The following AGBL1 variants were observed in gnomAD, a reference collection of about 807,000 sequenced individuals.
The protein encoded by AGBL1 is AGBL carboxypeptidase 1, also known as cytosolic carboxypeptidase 4.
In AGBL1, 130 loss-of-function variants were observed where a neutral mutation model predicts 118.9. The observed-to-expected ratio is 1.09, with a 90% CI of 0.95 to 1.26. The LOEUF is 1.26. Among genes scored for constraint, AGBL1 ranks in the 50% most tolerant of loss-of-function variants. AGBL1 has a pLI of 0.00. For synonymous variants in AGBL1, 555 were observed against 478.9 expected (o/e 1.16, Z -2.08); for missense variants, 1,584 against 1,298.1 (o/e 1.22, Z -3.38).
At chr15:86,371,676 T>C (rs1332795382) in intron 17 of AGBL1, among the ~76,000 whole-genome samples, 1 of 152,166 alleles carries the variant, frequency 6.6e-6, no homozygotes, top group Non-Finnish European at 1.5e-5. Flanking sequence ...CATTTATGTG[T>C]GTGTCCCAGT....
intron 5 of AGBL1, among the ~76,000 whole-genome samples, chr15:86,195,089 T>A (rs1017608210): frequency 3.3e-5 from 5 of 152,202 alleles, no homozygotes; most frequent in African/African-American, 9.6e-5. Context: ...TTTTTCATCA[T>A]GCATTTATTG....
chr15:86,518,119 G>A (rs186364764), intron 18 of AGBL1, among the ~76,000 whole-genome samples: 13 of 152,230 alleles, frequency 8.5e-5, no homozygotes, highest in Middle Eastern at 3.4e-3. Context: ...AGTCATGGAC[G>A]GATGGGAGAT....
intron 21 of AGBL1, among the ~76,000 whole-genome samples, chr15:86,584,681 A>G (rs1054382027): frequency 1.3e-5 from 2 of 152,104 alleles, no homozygotes; most frequent in African/African-American, 2.4e-5. Flanking sequence ...TTGGTTCCAT[A>G]TGAATTTTAG....
intron 5 of AGBL1, among the ~76,000 whole-genome samples, chr15:86,193,005 A>T (rs555837391): frequency 2.6e-5 from 4 of 152,200 alleles, no homozygotes; most frequent in Non-Finnish European, 5.9e-5. Flanking sequence ...CACATTTTTC[A>T]GTCAAAAATA....
intron 1 of AGBL1, among the ~76,000 whole-genome samples, chr15:86,083,056 A>G (rs1472881341): frequency 6.6e-6 from 1 of 152,234 alleles, no homozygotes; most frequent in Non-Finnish European, 1.5e-5. Flanking sequence ...AAGCGCTTGT[A>G]AACTCTAAAT....
At chr15:86,118,894 G>T (rs1212714357) in intron 1 of AGBL1, among the ~76,000 whole-genome samples, 1 of 152,150 alleles carries the variant, frequency 6.6e-6, no homozygotes, top group Admixed American at 6.5e-5. Flanking sequence ...CATTTATGTA[G>T]CATCCACTGC....
At chr15:86,955,686 A>G (rs1326337628) in intron 23 of AGBL1, among the ~76,000 whole-genome samples, 3 of 152,166 alleles carry the variant, frequency 2.0e-5, no homozygotes, top group Non-Finnish European at 4.4e-5. Flanking sequence ...ACTATGAAAT[A>G]TACATGATTG....
At chr15:86,272,502 T>C (rs912485529) in intron 15 of AGBL1, among the ~76,000 whole-genome samples, 3 of 152,202 alleles carry the variant, frequency 2.0e-5, no homozygotes, top group Non-Finnish European at 4.4e-5. Context: ...TTTCATCTCT[T>C]TCTGAAATTA....
chr15:86,549,236 GAGAA>G (rs2083630859), intron 20 of AGBL1, among the ~76,000 whole-genome samples: 1 of 152,092 alleles, frequency 6.6e-6, no homozygotes, highest in Non-Finnish European at 1.5e-5. Context: ...AGGGCCCAGT[GAGAA>G]AGAAAGTCCA....
rs117925358 is a variant in AGBL1 at position 86,707,605 on chromosome 15, G to A, written c.3158+33169G>A. Among the ~76,000 whole-genome samples, 266 of 152,108 alleles carry A rather than the reference G, an allele frequency of 1.7e-3. 3 individuals carry two copies. The East Asian group carries it at 0.022, about 12-fold the overall frequency. ...CATAATTTGGAAAAAAGACAAAATCGAATGTGTAGAGTTTACAGAAACCAC... is the reference window on the plus strand; with the variant it reads ...CATAATTTGGAAAAAAGACAAAATCAAATGTGTAGAGTTTACAGAAACCAC... On this transcript the variant is annotated intron_variant, in intron 22 of 22. Transcript: ENST00000614907.
chr15:86,208,435 G>A lies in AGBL1; in HGVS notation c.489-16479G>A, dbSNP rs1462478784. 2.0e-5 allele frequency among the ~76,000 whole-genome samples: 3 copies of A among 152,170 alleles called. 1 individual carries two copies. The highest frequency in any genetic ancestry group is 1.3e-4 in the Admixed American group (2 of 15,284). On this transcript the variant is annotated intron_variant, in intron 5 of 22. Coordinates refer to ENST00000614907, the MANE Select transcript of AGBL1 (RefSeq NM_001386094.1). ...TGTACCTCTGGTAGAATTTGGCTGT[G>A]AATCCATCTGGTCCTGGACTTTTTG... is the stretch of plus-strand genomic sequence containing the variant.
intron 5 of AGBL1, among the ~76,000 whole-genome samples, chr15:86,187,584 G>C (rs1466255217): frequency 1.3e-5 from 2 of 152,164 alleles, no homozygotes; most frequent in African/African-American, 4.8e-5. Flanking sequence ...AATAGTGCTT[G>C]TCCTATGGAG....
At chr15:86,475,796 A>T (rs1055278129) in intron 18 of AGBL1, among the ~76,000 whole-genome samples, 1 of 152,216 alleles carries the variant, frequency 6.6e-6, no homozygotes, top group Non-Finnish European at 1.5e-5. Flanking sequence ...GTTGAAATGA[A>T]GGAAAAAATG....
At chr15:86,681,149 C>T (rs1555437346) in intron 22 of AGBL1, among the ~76,000 whole-genome samples, 1 of 152,106 alleles carries the variant, frequency 6.6e-6, no homozygotes, top group Non-Finnish European at 1.5e-5. Flanking sequence ...GTTATCTCTT[C>T]TTCTTTAATC....
At chr15:86,680,513 T>C (rs1029523945) in intron 22 of AGBL1, among the ~76,000 whole-genome samples, 1 of 151,774 alleles carries the variant, frequency 6.6e-6, no homozygotes, top group South Asian at 2.1e-4. Context: ...TCTTTCTTTG[T>C]ATGCACCCTG....
intron 22 of AGBL1, among the ~76,000 whole-genome samples, chr15:86,745,619 A>G (rs1182610949): frequency 6.6e-6 from 1 of 151,992 alleles, no homozygotes; most frequent in Non-Finnish European, 1.5e-5. Flanking sequence ...TGCATGTCAG[A>G]TTTCAGAAAT....
At chr15:86,795,336 T>C (rs974599298) in intron 22 of AGBL1, among the ~76,000 whole-genome samples, 3 of 152,080 alleles carry the variant, frequency 2.0e-5, no homozygotes, top group African/African-American at 7.2e-5. Context: ...TATAAAGCCT[T>C]CTGGGAATGA....
At chr15:86,572,172 C>T (rs1181930656) in intron 21 of AGBL1, among the ~76,000 whole-genome samples, 4 of 152,146 alleles carry the variant, frequency 2.6e-5, no homozygotes, top group African/African-American at 4.8e-5. Context: ...CAGGCACTTC[C>T]GGGCCCGCAG....
intron 22 of AGBL1, among the ~76,000 whole-genome samples, chr15:86,802,831 G>A (rs953877662): frequency 9.2e-5 from 14 of 152,208 alleles, no homozygotes; most frequent in Admixed American, 2.6e-4. Context: ...ATTACTTTAC[G>A]TTGCAATTGT....
Sources: gnomAD v4.1 joint callset for allele counts (sites outside exome capture counted in the v4.1 genomes callset) on GRCh38, gnomAD v4.1.1 for gene constraint, MANE v1.5 for transcripts, NCBI Gene and HGNC (gene_info 2026-07-23, HGNC 2026-07-21) for gene names.